Variants in STX2 observed in about 807,000 individuals in gnomAD.
STX2 encodes the protein syntaxin 2.
Under a neutral mutation model 40.6 loss-of-function variants are expected in STX2, and 27 were observed. The ratio of observed to expected loss-of-function variants is 0.66; its 90% CI spans 0.49 to 0.92. The LOEUF (loss-of-function observed/expected upper bound fraction) is 0.92. Among genes scored for constraint, STX2 ranks in the 40% least tolerant of loss-of-function variants. STX2 has a pLI of 0.00. For synonymous variants in STX2, 123 were observed against 119.1 expected (o/e 1.03, Z -0.22); for missense variants, 328 against 366.1 (o/e 0.90, Z 0.85).
chr12:130,804,966 G>T (rs1036298308), intron 6 of STX2, among the ~76,000 whole-genome samples: 1 of 152,150 alleles, frequency 6.6e-6, no homozygotes, highest in Non-Finnish European at 1.5e-5. Context: ...TTCACATGGG[G>T]AGTGAAGACA....
At chr12:130,818,217 T>TATATATATATATATAA (rs1951961041) in intron 3 of STX2, among the ~76,000 whole-genome samples, 3 of 122,704 alleles carry the variant, frequency 2.4e-5, no homozygotes, top group Non-Finnish European at 4.9e-5. Context: ...TATATATATA[T>TATATATATATATATAA]AAAATTATCT....
chr12:130,832,596 C>T (rs1176331308), intron 1 of STX2, among the ~76,000 whole-genome samples: 1 of 152,160 alleles, frequency 6.6e-6, no homozygotes, highest in Admixed American at 6.5e-5. Flanking sequence ...CACATGATCT[C>T]GCCCCAGGAA....
intron 10 of STX2, among the ~76,000 whole-genome samples, chr12:130,795,491 T>C (rs1007245): frequency 0.064 from 9,681 of 152,300 alleles, 409 homozygotes; most frequent in Non-Finnish European, 0.093. Flanking sequence ...CATGTCTATG[T>C]ATAATCCCAG....
chr12:130,812,176 A>C (rs1951684239), intron 4 of STX2: 1 of 233,404 alleles, frequency 4.3e-6, no homozygotes, highest in Non-Finnish European at 8.6e-6. Flanking sequence ...AAACTGTTTA[A>C]AAAAAAAAAA....
At chr12:130,818,362 G>A (rs1427038418) in intron 3 of STX2, among the ~76,000 whole-genome samples, 1 of 150,216 alleles carries the variant, frequency 6.7e-6, no homozygotes, top group Non-Finnish European at 1.5e-5. Flanking sequence ...GGTCGACACA[G>A]GGAGACTCCT....
intron 6 of STX2, among the ~76,000 whole-genome samples, chr12:130,806,554 A>G (rs1951440974): frequency 6.6e-6 from 1 of 152,152 alleles, no homozygotes; most frequent in Admixed American, 6.5e-5. Context: ...AGAAGGCGCC[A>G]TCTCCACTGC....
chr12:130,825,571 A>G (rs1952270321), intron 2 of STX2, among the ~76,000 whole-genome samples: 1 of 152,224 alleles, frequency 6.6e-6, no homozygotes, highest in Admixed American at 6.5e-5. Context: ...CATACCTTAA[A>G]GGAAGTTCCT....
At chr12:130,796,144 T>G in intron 9 of STX2, 24 bp from the exon 10 acceptor site, 1 of 1,613,358 alleles carries the variant, frequency 6.2e-7, no homozygotes, top group Middle Eastern at 1.6e-4. Flanking sequence ...GCAAGCTGAT[T>G]ATATCATGCA....
intron 5 of STX2, 95 bp from the exon 6 acceptor site, chr12:130,807,185 G>T: frequency 8.6e-7 from 1 of 1,162,924 alleles, no homozygotes; most frequent in Non-Finnish European, 1.3e-6. Context: ...CAAACTACAT[G>T]TTATTCTGCT....
In STX2 at chr12:130,796,010, G is replaced by A. The variant is rs373151734; in HGVS notation, c.*30C>T. 1,065 of 1,609,346 alleles carry A rather than the reference G, an allele frequency of 6.6e-4. No individual in the cohort carries two copies. The highest frequency in any genetic ancestry group is 8.5e-4 in the Non-Finnish European group (1,004 of 1,178,430). ...AGTTACTTACTCCCACCCTGGCAGA[G>A]AGGCATGCACACTGACGTTATCCAC... On this transcript the variant is annotated 3_prime_UTR_variant, in exon 10 of 11. Coordinates refer to ENST00000392373, the MANE Select transcript of STX2 (RefSeq NM_194356.4).
intron 9 of STX2, among the ~76,000 whole-genome samples, chr12:130,796,482 T>A (rs1951032394): frequency 6.6e-6 from 1 of 152,026 alleles, no homozygotes; most frequent in African/African-American, 2.4e-5. Context: ...CAAGACTCCA[T>A]CTCAAAAAAA....
intron 3 of STX2, among the ~76,000 whole-genome samples, chr12:130,819,257 C>A (rs1593167256): frequency 6.6e-6 from 1 of 152,328 alleles, no homozygotes; most frequent in East Asian, 1.9e-4. Flanking sequence ...CTAAGCAGAG[C>A]GCCTGCCCGA....
rs73162900 is a variant in STX2 at position 130,833,248 on chromosome 12, A to T, written c.30+5822T>A. ...GTACACACAAATGACAAACGTCAAC[A>T]AACGGAAACAGAGACACACACACAG... is the stretch of plus-strand genomic sequence containing the variant. On this transcript the variant is annotated intron_variant, in intron 1 of 10. Transcript: ENST00000392373. Among the ~76,000 whole-genome samples the T allele has an allele frequency of 3.9e-5, 6 of 152,096 alleles. No individual in the cohort carries two copies. The East Asian group carries it at 1.2e-3, about 30-fold the overall frequency.
intron 1 of STX2, among the ~76,000 whole-genome samples, chr12:130,838,763 C>A (rs1952823448): frequency 6.6e-6 from 1 of 152,070 alleles, no homozygotes; most frequent in Admixed American, 6.5e-5. Flanking sequence ...AAGAGGGGGT[C>A]GAGGCCGGGA....
At chr12:130,831,565 G>A (rs1474930467) in intron 1 of STX2, among the ~76,000 whole-genome samples, 1 of 152,122 alleles carries the variant, frequency 6.6e-6, no homozygotes, top group Non-Finnish European at 1.5e-5. Flanking sequence ...CTTGAGCCAG[G>A]AGACTGAGGC....
intron 1 of STX2, among the ~76,000 whole-genome samples, chr12:130,837,993 A>C (rs1952801977): frequency 6.6e-6 from 1 of 152,236 alleles, no homozygotes; most frequent in African/African-American, 2.4e-5. Flanking sequence ...ATAATGATTT[A>C]AGTGGCTCTT....
At chr12:130,814,567 C>A (rs758445208) in intron 3 of STX2, among the ~76,000 whole-genome samples, 3 of 151,028 alleles carry the variant, frequency 2.0e-5, no homozygotes, top group Non-Finnish European at 4.4e-5. Flanking sequence ...ACTGAGGGCA[C>A]CAGTCAGCAC....
At chr12:130,792,686 G>A (rs551167250) in intron 10 of STX2, among the ~76,000 whole-genome samples, 4 of 152,244 alleles carry the variant, frequency 2.6e-5, no homozygotes, top group East Asian at 3.9e-4. Context: ...GACTAGTCTC[G>A]AATTCTTGGG....
Position 130,801,783 on chromosome 12 carries a change from T to C in STX2, c.464-295A>G, listed in dbSNP as rs1475989771. ...GGTAAACAATGTCTCGGCACACTGGTTTCCCTAAGAGTTTAACTCCGCCTC... is the reference window on the plus strand; with the variant it reads ...GGTAAACAATGTCTCGGCACACTGGCTTCCCTAAGAGTTTAACTCCGCCTC... On this transcript the variant is annotated intron_variant, in intron 6 of 10. Transcript: ENST00000392373. 3.3e-5 allele frequency among the ~76,000 whole-genome samples: 5 copies of C among 152,010 alleles called. No homozygotes were observed. In the East Asian group the frequency reaches 9.6e-4, roughly 29 times the overall value.
Sources: gnomAD v4.1 joint callset for allele counts (sites outside exome capture counted in the v4.1 genomes callset) on GRCh38, gnomAD v4.1.1 for gene constraint, MANE v1.5 for transcripts, NCBI Gene and HGNC (gene_info 2026-07-23, HGNC 2026-07-21) for gene names.